The following MALRD1 variants were observed in gnomAD, a reference collection of about 807,000 sequenced individuals.
The protein encoded by MALRD1 is MAM and LDL receptor class A domain containing 1, also known as MAM and LDL-receptor class A domain-containing protein 1.
MALRD1 carries 247 observed loss-of-function variants against 242.1 expected under a neutral mutation model. The observed-to-expected ratio is 1.02, with a 90% CI of 0.92 to 1.13. MALRD1 has a LOEUF of 1.13. Among genes scored for constraint, MALRD1 ranks in the 50% most tolerant of loss-of-function variants. The pLI, the probability that MALRD1 is intolerant of heterozygous loss-of-function variation, is 0.00. For missense variants in MALRD1, 2,989 were observed against 2,533.1 expected (o/e 1.18, Z -3.86); for synonymous variants, 995 against 866.6 (o/e 1.15, Z -2.60).
chr10:19,483,197 A>T (rs6481944), intron 29 of MALRD1, among the ~76,000 whole-genome samples: 3 of 150,560 alleles, frequency 2.0e-5, no homozygotes, highest in African/African-American at 7.3e-5. Context: ...TGAAACTATA[A>T]GAATCCTAGA....
chr10:19,316,786 G>A (rs1022975445), intron 21 of MALRD1, among the ~76,000 whole-genome samples: 4 of 151,794 alleles, frequency 2.6e-5, no homozygotes, highest in African/African-American at 9.7e-5. Context: ...AGGGTAGTAT[G>A]GGGAGCAAGG....
chr10:19,392,126 A>G (rs1231774625), intron 28 of MALRD1, among the ~76,000 whole-genome samples: 1 of 152,212 alleles, frequency 6.6e-6, no homozygotes, highest in Non-Finnish European at 1.5e-5. Flanking sequence ...CGCTACAACA[A>G]TGCATCCATA....
chr10:19,283,809 C>T (rs557858896), intron 21 of MALRD1, among the ~76,000 whole-genome samples: 6 of 152,292 alleles, frequency 3.9e-5, no homozygotes, highest in Admixed American at 2.6e-4. Flanking sequence ...GTTAATTTCA[C>T]GTTATCTCAA....
At chr10:19,688,981 C>T (rs1410186650) in intron 36 of MALRD1, among the ~76,000 whole-genome samples, 4 of 152,140 alleles carry the variant, frequency 2.6e-5, no homozygotes, top group Non-Finnish European at 5.9e-5. Flanking sequence ...CCTTTATACA[C>T]TGGGGTGAAG....
chr10:19,389,668 C>T, intron 28 of MALRD1, 59 bp downstream of exon 28: 1 of 1,486,022 alleles, frequency 6.7e-7, no homozygotes, highest in African/African-American at 1.4e-5. Flanking sequence ...GAGACAGGGT[C>T]TTGCTCTGTC....
At chr10:19,561,196 A>G (rs1835948030) in intron 32 of MALRD1, among the ~76,000 whole-genome samples, 1 of 152,148 alleles carries the variant, frequency 6.6e-6, no homozygotes, top group African/African-American at 2.4e-5. Flanking sequence ...CATACATTGT[A>G]TGATTTCTAT....
chr10:19,357,516 T>C (rs1816664764), intron 26 of MALRD1, among the ~76,000 whole-genome samples: 1 of 152,210 alleles, frequency 6.6e-6, no homozygotes, highest in Admixed American at 6.5e-5. Flanking sequence ...GGCAAAATTA[T>C]ATTTCTTGCA....
chr10:19,656,149 T>C (rs548299156), intron 36 of MALRD1, among the ~76,000 whole-genome samples: 5 of 152,226 alleles, frequency 3.3e-5, no homozygotes, highest in African/African-American at 1.2e-4. Context: ...TAAGGAAAAC[T>C]CTACCATTTT....
intron 18 of MALRD1, among the ~76,000 whole-genome samples, chr10:19,225,781 T>C (rs1221501848): frequency 6.6e-6 from 1 of 152,224 alleles, no homozygotes. Context: ...CTTTACTTTT[T>C]ATTATCATGT....
chr10:19,718,577 A>C (rs1834529729), intron 38 of MALRD1, among the ~76,000 whole-genome samples: 1 of 152,060 alleles, frequency 6.6e-6, no homozygotes, highest in Non-Finnish European at 1.5e-5. Flanking sequence ...ACCAGGCTCT[A>C]CCTCCAATAT....
chr10:19,315,622 A>G (rs1231538550), intron 21 of MALRD1, among the ~76,000 whole-genome samples: 3 of 113,488 alleles, frequency 2.6e-5, no homozygotes, highest in Non-Finnish European at 5.1e-5. Context: ...ATTTATATAA[A>G]TTATAAATAT....
chr10:19,291,205 C>G (rs1841407749), intron 21 of MALRD1, among the ~76,000 whole-genome samples: 2 of 152,114 alleles, frequency 1.3e-5, no homozygotes, highest in Admixed American at 1.3e-4. Context: ...GTTCCTCACA[C>G]TTCATTCATG....
chr10:19,445,910 G>C lies in MALRD1; in HGVS notation c.4846-4397G>C, dbSNP rs185678069. ...TGCCCCTAGAGGTGGAGTCTACAGA[G>C]GCAGGTAGGCCTCCTTGAGCTGTGG... is the stretch of plus-strand genomic sequence containing the variant. On this transcript the variant is annotated intron_variant, in intron 28 of 39. Transcript: ENST00000454679. Among the ~76,000 whole-genome samples, 3 of 152,358 alleles carry C rather than the reference G, an allele frequency of 2.0e-5. No homozygotes were observed. The East Asian group carries it at 5.8e-4, about 29-fold the overall frequency.
chr10:19,191,367 G>T (rs7094873), intron 14 of MALRD1, among the ~76,000 whole-genome samples: 2 of 151,934 alleles, frequency 1.3e-5, no homozygotes, highest in Non-Finnish European at 2.9e-5. Context: ...GAGGATGTGG[G>T]AATCAGAACT....
At chr10:19,447,071 C>T (rs11009986) in intron 28 of MALRD1, among the ~76,000 whole-genome samples, 4 of 36,216 alleles carry the variant, frequency 1.1e-4, no homozygotes, top group South Asian at 1.0e-3. Context: ...CATACACAGA[C>T]ACACACACAC....
intron 21 of MALRD1, among the ~76,000 whole-genome samples, chr10:19,315,125 TTTATAGAAA>T (rs1842599044): frequency 2.9e-5 from 4 of 138,548 alleles, no homozygotes; most frequent in African/African-American, 1.1e-4. Flanking sequence ...GTAAATATAA[TTTATAGAAA>T]TATGTAAATA....
chr10:19,644,105 T>C lies in MALRD1; in HGVS notation c.6137+28182T>C, dbSNP rs184762939. On this transcript the variant is annotated intron_variant, in intron 36 of 39. Coordinates refer to ENST00000454679, the MANE Select transcript of MALRD1 (RefSeq NM_001142308.3). ...TCTTTTGTTGCATTACCTAAAACTTTCCAGTGTTTTGTAAAATTCCCTTCA... is the reference window on the plus strand; with the variant it reads ...TCTTTTGTTGCATTACCTAAAACTTCCCAGTGTTTTGTAAAATTCCCTTCA... 1.4e-4 allele frequency among the ~76,000 whole-genome samples: 22 copies of C among 152,340 alleles called. 1 individual carries two copies. The highest frequency in any genetic ancestry group is 3.4e-3 in the Middle Eastern group (1 of 294).
intron 31 of MALRD1, among the ~76,000 whole-genome samples, chr10:19,530,412 TATA>T (rs1834332226): frequency 1.1e-4 from 2 of 17,712 alleles, no homozygotes; most frequent in Admixed American, 2.0e-3. Flanking sequence ...TATATATTTA[TATA>T]ATAATAAATA....
intron 36 of MALRD1, among the ~76,000 whole-genome samples, chr10:19,679,883 T>G (rs1002986435): frequency 6.6e-6 from 1 of 152,192 alleles, no homozygotes; most frequent in Admixed American, 6.5e-5. Context: ...AATAACTTCA[T>G]TTCTACCTTA....
Sources: allele counts gnomAD v4.1 joint callset (sites outside exome capture counted in the v4.1 genomes callset), GRCh38; gene constraint gnomAD v4.1.1; transcripts MANE v1.5; gene names NCBI Gene and HGNC (gene_info 2026-07-23, HGNC 2026-07-21).